RALYL: variants seen among roughly 807,000 people sequenced by gnomAD.
RALYL encodes RNA-binding Raly-like protein.
A neutral mutation model predicts 35.1 loss-of-function variants in RALYL; 29 were observed. The ratio of observed to expected loss-of-function variants is 0.83; its 90% CI spans 0.61 to 1.13. The LOEUF (loss-of-function observed/expected upper bound fraction) is 1.13, where lower values mean the gene tolerates loss of function less well. Among genes scored for constraint, RALYL ranks in the 50% most tolerant of loss-of-function variants. The probability of loss-of-function intolerance (pLI) is 0.00; values close to 1 mark genes in which losing one functional copy is unlikely to be tolerated. For synonymous variants in RALYL, 120 were observed against 127.6 expected (o/e 0.94, Z 0.40); for missense variants, 359 against 360.4 (o/e 1.00, Z 0.03).
chr8:84,700,341 A>G (rs1589088033), intron 2 of RALYL, among the ~76,000 whole-genome samples: 1 of 152,134 alleles, frequency 6.6e-6, no homozygotes, highest in Non-Finnish European at 1.5e-5. Flanking sequence ...AATTGTAAAG[A>G]TTTCTTTGAC....
chr8:84,808,593 G>A (rs1825214513), intron 4 of RALYL, among the ~76,000 whole-genome samples: 1 of 152,060 alleles, frequency 6.6e-6, no homozygotes, highest in South Asian at 2.1e-4. Flanking sequence ...ATTGCTTTTG[G>A]CAGTGTGGTC....
intron 7 of RALYL, among the ~76,000 whole-genome samples, chr8:84,879,911 A>G (rs1013709534): frequency 3.3e-5 from 5 of 152,086 alleles, no homozygotes; most frequent in African/African-American, 1.2e-4. Flanking sequence ...GGCTTTGTTC[A>G]AGACTATTGC....
rs397891420 is a variant in RALYL at position 84,296,623 on chromosome 8, A to ATTT, written c.-24+112224_-24+112226dup. Among the ~76,000 whole-genome samples the ATTT allele has an allele frequency of 1.1e-3, 83 of 76,676 alleles. 10 individuals carry two copies. The highest frequency in any genetic ancestry group is 3.5e-3 in the African/African-American group (69 of 19,732). 50.3% of individuals were successfully genotyped at this position (76,676 alleles called of 152,430 possible). A position where few individuals can be genotyped will look rare whatever the true frequency, so the allele number is the denominator to read the frequency against. On this transcript the variant is annotated intron_variant, in intron 1 of 8. Transcript: ENST00000521268. ...CAGGAGACATCTTTCTCTCTCTTGC[A>ATTT]TTTTTTTTTTTTTTTTTTTTTTTTT...
intron 1 of RALYL, among the ~76,000 whole-genome samples, chr8:84,235,919 A>G (rs938833194): frequency 4.6e-5 from 7 of 151,702 alleles, no homozygotes; most frequent in Non-Finnish European, 8.8e-5. Context: ...GGCACGTGCC[A>G]CCACACCCAG....
At chr8:84,496,520 C>T (rs2056040879) in intron 1 of RALYL, among the ~76,000 whole-genome samples, 1 of 152,080 alleles carries the variant, frequency 6.6e-6, no homozygotes, top group South Asian at 2.1e-4. Flanking sequence ...TGGCATAGTT[C>T]TCTAACCAAG....
chr8:84,449,312 C>T lies in RALYL; in HGVS notation c.-23-79987C>T, dbSNP rs144553055. Among the ~76,000 whole-genome samples, 382 of 151,934 alleles carry T rather than the reference C, an allele frequency of 2.5e-3. 1 individual carries two copies. The highest frequency in any genetic ancestry group is 8.7e-3 in the African/African-American group (361 of 41,474). On this transcript the variant is annotated intron_variant, in intron 1 of 8. Coordinates refer to ENST00000521268, the MANE Select transcript of RALYL (RefSeq NM_173848.7). ...GTGGGGAGCTTTGAAGCACTTAGCA[C>T]CCACTACAGCAGGAAGAGCAGGGAT... is the stretch of plus-strand genomic sequence containing the variant.
chr8:84,721,510 C>T (rs1158612772), intron 2 of RALYL, among the ~76,000 whole-genome samples: 1 of 152,114 alleles, frequency 6.6e-6, no homozygotes, highest in South Asian at 2.1e-4. Context: ...GCTGATAACA[C>T]GTTCAGAATT....
intron 2 of RALYL, among the ~76,000 whole-genome samples, chr8:84,639,148 C>G (rs552687474): frequency 2.0e-5 from 3 of 151,128 alleles, no homozygotes; most frequent in Non-Finnish European, 4.4e-5. Context: ...TCGGGAGAAA[C>G]TTACTGGAAT....
chr8:84,868,961 T>C (rs1839687732), intron 6 of RALYL, among the ~76,000 whole-genome samples: 1 of 152,040 alleles, frequency 6.6e-6, no homozygotes, highest in Admixed American at 6.6e-5. Flanking sequence ...TACAAGGGTA[T>C]CACCTGTCCT....
intron 1 of RALYL, among the ~76,000 whole-genome samples, chr8:84,424,760 C>T (rs1168730287): frequency 6.6e-6 from 1 of 151,962 alleles, no homozygotes; most frequent in Admixed American, 6.6e-5. Context: ...GTTAGTTTTC[C>T]TTGTAACAGA....
At chr8:84,469,810 CT>C (rs200561049) in intron 1 of RALYL, among the ~76,000 whole-genome samples, 4,531 of 152,262 alleles carry the variant, frequency 0.03, 115 homozygotes, top group Non-Finnish European at 0.038. Flanking sequence ...GCATAGGACC[CT>C]CCGAGCCAGG....
chr8:84,502,025 T>A (rs567785518), intron 1 of RALYL, among the ~76,000 whole-genome samples: 1 of 151,146 alleles, frequency 6.6e-6, no homozygotes, highest in East Asian at 2.0e-4. Context: ...TTTCACAAAC[T>A]ATTTTGTAAT....
At chr8:84,507,352 ATTAT>A (rs750111545) in intron 1 of RALYL, among the ~76,000 whole-genome samples, 3 of 152,074 alleles carry the variant, frequency 2.0e-5, no homozygotes, top group Admixed American at 6.6e-5. Context: ...ACTATAATTA[ATTAT>A]TTAATTACTA....
chr8:84,453,769 TCAAA>T (rs1317096791), intron 1 of RALYL, among the ~76,000 whole-genome samples: 1 of 152,018 alleles, frequency 6.6e-6, no homozygotes, highest in African/African-American at 2.4e-5. Flanking sequence ...TAATACTATC[TCAAA>T]CAACAGGTTT....
chr8:84,360,205 G>T (rs935947791), intron 1 of RALYL, among the ~76,000 whole-genome samples: 23 of 152,148 alleles, frequency 1.5e-4, no homozygotes, highest in Non-Finnish European at 7.3e-5. Context: ...AGCACAAAGT[G>T]TTACTTGAGT....
intron 1 of RALYL, among the ~76,000 whole-genome samples, chr8:84,235,467 A>C (rs1357698779): frequency 6.6e-6 from 1 of 152,218 alleles, no homozygotes; most frequent in Non-Finnish European, 1.5e-5. Context: ...AATTTGTATT[A>C]AACCATTTCT....
intron 2 of RALYL, among the ~76,000 whole-genome samples, chr8:84,647,374 GA>G (rs142372951): frequency 0.034 from 5,232 of 152,114 alleles, 167 homozygotes; most frequent in East Asian, 0.13. Flanking sequence ...AGAAGAGTAA[GA>G]TGAAAGGTCA....
chr8:84,367,318 A>AATTTTTT (rs1854572226), intron 1 of RALYL, among the ~76,000 whole-genome samples: 4 of 27,400 alleles, frequency 1.5e-4, no homozygotes, highest in Non-Finnish European at 3.0e-4. Flanking sequence ...TAATTTTTGT[A>AATTTTTT]TTTTTTTTTT....
intron 1 of RALYL, among the ~76,000 whole-genome samples, chr8:84,487,373 C>A (rs1288906850): frequency 1.3e-5 from 2 of 152,032 alleles, no homozygotes; most frequent in African/African-American, 4.8e-5. Flanking sequence ...GATAAATGTT[C>A]CGTATTTAAA....
Sources: allele counts gnomAD v4.1 joint callset (sites outside exome capture counted in the v4.1 genomes callset), GRCh38; gene constraint gnomAD v4.1.1; transcripts MANE v1.5; gene names NCBI Gene and HGNC (gene_info 2026-07-23, HGNC 2026-07-21).